The following NAV2 variants were observed in gnomAD, a reference collection of about 807,000 sequenced individuals.
NAV2 encodes helicase, APC down-regulated 1.
NAV2 carries 54 observed loss-of-function variants against 223.2 expected under a neutral mutation model. The observed-to-expected ratio is 0.24, with a 90% CI of 0.19 to 0.30. The LOEUF is 0.30. Among genes scored for constraint, NAV2 ranks in the 10% least tolerant of loss-of-function variants. The pLI is 1.00. For missense variants in NAV2, 2,806 were observed against 3,147.5 expected (o/e 0.89, Z 2.60); for synonymous variants, 1,279 against 1,239.3 (o/e 1.03, Z -0.67).
intron 7 of NAV2, among the ~76,000 whole-genome samples, chr11:19,935,854 T>TTTTTTTTG (rs1555156777): frequency 5.3e-5 from 5 of 93,830 alleles, no homozygotes; most frequent in Non-Finnish European, 1.1e-4. Context: ...TGTTTCTGTT[T>TTTTTTTTG]TTTTTTTTTT....
intron 1 of NAV2, among the ~76,000 whole-genome samples, chr11:19,587,315 C>G (rs1437401593): frequency 6.6e-6 from 1 of 152,236 alleles, no homozygotes; most frequent in Non-Finnish European, 1.5e-5. Flanking sequence ...TCCCTGACCC[C>G]TTGCACATCC....
intron 29 of NAV2, 121 bp downstream of exon 29, chr11:20,093,320 A>G: frequency 4.4e-6 from 3 of 683,938 alleles, no homozygotes; most frequent in South Asian, 3.4e-5. Flanking sequence ...AAATACTACT[A>G]ACCCTTCTCT....
intron 1 of NAV2, among the ~76,000 whole-genome samples, chr11:19,393,899 T>TC (rs1414320315): frequency 6.9e-5 from 2 of 29,120 alleles, no homozygotes; most frequent in Non-Finnish European, 1.7e-4. Flanking sequence ...TTAAGGGTTT[T>TC]TTTTTTCTTT....
At chr11:19,649,726 A>G (rs2047913978) in intron 1 of NAV2, among the ~76,000 whole-genome samples, 1 of 152,256 alleles carries the variant, frequency 6.6e-6, no homozygotes, top group Admixed American at 6.5e-5. Context: ...TATTCAGTCT[A>G]TCATAAACAC....
chr11:19,870,761 A>G (rs1373637851), intron 4 of NAV2, among the ~76,000 whole-genome samples: 1 of 152,206 alleles, frequency 6.6e-6, no homozygotes, highest in African/African-American at 2.4e-5. Flanking sequence ...CTTTGGTTTA[A>G]AGAGGTTATG....
chr11:19,371,308 A>C (rs1156248694), intron 1 of NAV2, among the ~76,000 whole-genome samples: 5 of 152,184 alleles, frequency 3.3e-5, no homozygotes, highest in African/African-American at 1.2e-4. Context: ...GCCAGCACTC[A>C]AATCCTTACC....
intron 1 of NAV2, among the ~76,000 whole-genome samples, chr11:19,571,314 A>G (rs2045418091): frequency 6.6e-6 from 1 of 152,236 alleles, no homozygotes; most frequent in Non-Finnish European, 1.5e-5. Context: ...TCCTTAATGG[A>G]CACAGGCTTC....
rs1056930380 is a variant in NAV2, at chr11:20,119,387, G to A, written c.*1129G>A. 3.9e-5 allele frequency: 6 copies of A among 152,510 alleles called. No homozygotes were observed. Among genetic ancestry groups the A allele is most frequent in the African/African-American group, 1.4e-4 (6 of 41,408 alleles). 9.4% of individuals were successfully genotyped at this position (152,510 alleles called of 1,614,324 possible). Reference sequence around the variant, plus strand: ...GATGAGGACCTGGTCCTCGACATGTGGGTGAGCCATGGACCTTGCCTTCCC... The same window carrying A: ...GATGAGGACCTGGTCCTCGACATGTAGGTGAGCCATGGACCTTGCCTTCCC... On this transcript the variant is annotated 3_prime_UTR_variant, in exon 38 of 38. Coordinates refer to ENST00000349880, the MANE Select transcript of NAV2 (RefSeq NM_145117.5).
At chr11:20,005,257 T>A (rs34336793) in intron 11 of NAV2, among the ~76,000 whole-genome samples, 2,505 of 17,386 alleles carry the variant, frequency 0.14, 77 homozygotes, top group African/African-American at 0.24. Flanking sequence ...ATATATATTT[T>A]TTTTTTTTTT....
chr11:19,978,458 C>T (rs981581398), intron 10 of NAV2, among the ~76,000 whole-genome samples: 3 of 152,082 alleles, frequency 2.0e-5, no homozygotes, highest in East Asian at 1.9e-4. Context: ...TTGATATATA[C>T]GTCCAGATAT....
intron 11 of NAV2, chr11:20,027,335 A>T: frequency 1.0e-6 from 1 of 985,506 alleles, no homozygotes; most frequent in Non-Finnish European, 1.2e-6. Context: ...ATTGCCTTGA[A>T]CAATAGCCAG....
At chr11:19,839,338 A>G (rs2060396387) in intron 2 of NAV2, among the ~76,000 whole-genome samples, 1 of 152,166 alleles carries the variant, frequency 6.6e-6, no homozygotes, top group South Asian at 2.1e-4. Context: ...AGGGAGCGAG[A>G]GAGAAGGGGT....
intron 1 of NAV2, among the ~76,000 whole-genome samples, chr11:19,388,549 T>C (rs1849128899): frequency 6.6e-6 from 1 of 152,186 alleles, no homozygotes; most frequent in Non-Finnish European, 1.5e-5. Flanking sequence ...ACAGAAAGAT[T>C]GAACTATAAG....
chr11:19,898,628 T>G (rs1234854472), intron 6 of NAV2, among the ~76,000 whole-genome samples: 1 of 152,224 alleles, frequency 6.6e-6, no homozygotes, highest in Non-Finnish European at 1.5e-5. Context: ...ATGTTTTAAA[T>G]AGTGCTGAAA....
At position 19,817,968 on chromosome 11, in the gene NAV2, C is replaced by T. The variant is rs187922851; in HGVS notation, c.268-14516C>T. ...GTATTCAGTCTCCCTAAAGGCCCCT[C>T]GATCTCATCTCCAAGCCTTCTTGCC... On this transcript the variant is annotated intron_variant, in intron 1 of 37. Transcript: ENST00000349880. 1.4e-3 allele frequency among the ~76,000 whole-genome samples: 209 copies of T among 151,204 alleles called. 2 individuals carry two copies. Among genetic ancestry groups the T allele is most frequent in the East Asian group, 7.8e-4 (4 of 5,158 alleles).
intron 11 of NAV2, among the ~76,000 whole-genome samples, chr11:20,026,841 A>C (rs1434093728): frequency 1.3e-5 from 2 of 152,204 alleles, no homozygotes; most frequent in Non-Finnish European, 2.9e-5. Flanking sequence ...TCATCTGTAA[A>C]ATGGGTATAG....
chr11:19,713,922 T>A lies in NAV2; in HGVS notation c.227T>A (p.Leu76Gln). ...GAGCCAGCGGGGGAGGGGCTCCCGC[T>A]GCGGAAGAGCGGCTCGGTGGAAAAC... ...LQEPAGEGLP[L>Q]RKSGSVENGF... Residue 76 changes from leucine (L) to glutamine (Q), a missense_variant, in exon 1 of 38, where the codon CTG becomes CAG. Leu to Gln is a moderately radical substitution (Grantham distance 113, BLOSUM62 -2). Coordinates refer to ENST00000349880, the MANE Select transcript of NAV2 (RefSeq NM_145117.5). This position sits in a 1 kb window ranked among gnomAD's most constrained non-coding sequence, Gnocchi z 7.2. 5.6e-6 allele frequency: 9 copies of A among 1,613,468 alleles called. No homozygotes were observed. The highest frequency in any genetic ancestry group is 7.6e-6 in the Non-Finnish European group (9 of 1,179,954).
At chr11:19,367,100 T>C (rs1296882141) in intron 1 of NAV2, among the ~76,000 whole-genome samples, 2 of 152,184 alleles carry the variant, frequency 1.3e-5, no homozygotes, top group Non-Finnish European at 2.9e-5. Flanking sequence ...AGGCTCTCAA[T>C]CTGGGTCATG....
chr11:20,049,939 A>G (rs1252105329), intron 16 of NAV2, 38 bp downstream of exon 16: 2 of 1,593,636 alleles, frequency 1.3e-6, no homozygotes, highest in African/African-American at 1.3e-5. Context: ...CCGAGCCTCT[A>G]GGTTCTTCTG....
Sources: allele counts gnomAD v4.1 joint callset (sites outside exome capture counted in the v4.1 genomes callset), GRCh38; gene constraint gnomAD v4.1.1; non-coding constraint Gnocchi (gnomAD v3.1); transcripts MANE v1.5; gene names NCBI Gene and HGNC (gene_info 2026-07-23, HGNC 2026-07-21).